CTDSPL2: variants seen among roughly 807,000 people sequenced by gnomAD.
CTDSPL2 encodes CTD small phosphatase like 2, also known as CTD small phosphatase-like protein 2.
CTDSPL2 carries 5 observed loss-of-function variants against 60.0 expected under a neutral mutation model. The observed-to-expected ratio is 0.08, with a 90% CI of 0.04 to 0.18. The LOEUF (loss-of-function observed/expected upper bound fraction) is 0.18. Among genes scored for constraint, CTDSPL2 ranks in the 10% least tolerant of loss-of-function variants. The pLI is 1.00. For synonymous variants in CTDSPL2, 186 were observed against 189.3 expected (o/e 0.98, Z 0.14); for missense variants, 370 against 548.8 (o/e 0.67, Z 3.26).
chr15:44,435,122 C>T (rs898865951), intron 1 of CTDSPL2, among the ~76,000 whole-genome samples: 2 of 151,702 alleles, frequency 1.3e-5, no homozygotes, highest in East Asian at 1.9e-4. Context: ...TAGCTGGGCG[C>T]GGTGGTGTGC....
chr15:44,455,739 G>A (rs369281724), intron 1 of CTDSPL2, among the ~76,000 whole-genome samples: 4 of 150,024 alleles, frequency 2.7e-5, no homozygotes, highest in Admixed American at 6.7e-5. Context: ...ATTTGCGTAT[G>A]TTGAACCAGC....
At chr15:44,499,370 A>G (rs977795960) in intron 7 of CTDSPL2, among the ~76,000 whole-genome samples, 1 of 152,150 alleles carries the variant, frequency 6.6e-6, no homozygotes, top group Non-Finnish European at 1.5e-5. Flanking sequence ...GCACCACTGC[A>G]CTCCAGCCTG....
chr15:44,478,911 G>A (rs570971662), intron 2 of CTDSPL2, among the ~76,000 whole-genome samples: 4 of 152,252 alleles, frequency 2.6e-5, no homozygotes, highest in South Asian at 2.1e-4. Flanking sequence ...CCCAGGAGGC[G>A]GAGCCACTGA....
At chr15:44,463,665 A>G (rs887940980) in intron 2 of CTDSPL2, among the ~76,000 whole-genome samples, 1 of 152,212 alleles carries the variant, frequency 6.6e-6, no homozygotes, top group African/African-American at 2.4e-5. Context: ...TTTGTCACAT[A>G]TTAGTCTTAA....
In CTDSPL2 at chr15:44,490,991, C is replaced by A. The variant is rs558812327; in HGVS notation, c.683C>A (p.Pro228His). 4.3e-6 allele frequency: 7 copies of A among 1,610,740 alleles called. No individual in the cohort carries two copies. The South Asian group carries it at 7.7e-5, about 18-fold the overall frequency. Residue 228 changes from proline to histidine, a missense_variant, in exon 5 of 13, where the codon CCC (proline) becomes CAC (histidine). Physicochemically the swap from Pro to His is moderately conservative, Grantham distance 77 (BLOSUM62 -2). Coordinates refer to ENST00000260327, the MANE Select transcript of CTDSPL2 (RefSeq NM_016396.3). ...GAAACAGTTAATCGTGATATCCCAC[C>A]CCTTACAGGTGAAGAAAATTTCTTT... Reference protein sequence around the residue: ...AEETVNRDIPPLTAPVTPDSG... With the variant: ...AEETVNRDIPHLTAPVTPDSG...
At chr15:44,515,742 G>A (rs1387361032) in intron 10 of CTDSPL2, among the ~76,000 whole-genome samples, 6 of 151,934 alleles carry the variant, frequency 3.9e-5, no homozygotes, top group South Asian at 2.1e-4. Flanking sequence ...GCGTGGTGGC[G>A]CATGCCTGTA....
At chr15:44,483,121 T>C (rs761557713) in intron 2 of CTDSPL2, among the ~76,000 whole-genome samples, 10 of 151,844 alleles carry the variant, frequency 6.6e-5, no homozygotes, top group Non-Finnish European at 1.3e-4. Context: ...TAGCGGGGCG[T>C]GGTGGTGCGT....
At chr15:44,459,819 G>A (rs2080526741) in intron 2 of CTDSPL2, among the ~76,000 whole-genome samples, 2 of 152,022 alleles carry the variant, frequency 1.3e-5, no homozygotes, top group Non-Finnish European at 2.9e-5. Flanking sequence ...AATATTCACT[G>A]TCTAGGGAGG....
intron 4 of CTDSPL2, among the ~76,000 whole-genome samples, chr15:44,487,322 G>A (rs879731140): frequency 6.6e-6 from 1 of 152,156 alleles, no homozygotes; most frequent in Non-Finnish European, 1.5e-5. Flanking sequence ...GGGCGTGGTA[G>A]TGCACGCCTG....
At chr15:44,511,692 A>T (rs1244063400) in intron 8 of CTDSPL2, among the ~76,000 whole-genome samples, 1 of 151,922 alleles carries the variant, frequency 6.6e-6, no homozygotes, top group Admixed American at 6.6e-5. Flanking sequence ...AACACGGTGA[A>T]AACCGTCTCT....
At chr15:44,489,336 T>C (rs2081179097) in intron 4 of CTDSPL2, among the ~76,000 whole-genome samples, 2 of 152,170 alleles carry the variant, frequency 1.3e-5, no homozygotes, top group African/African-American at 4.8e-5. Context: ...TCAAGGATAC[T>C]GAGGCTGCCA....
chr15:44,436,303 C>T (rs1410946843), intron 1 of CTDSPL2, among the ~76,000 whole-genome samples: 1 of 152,072 alleles, frequency 6.6e-6, no homozygotes, highest in East Asian at 1.9e-4. Flanking sequence ...GTCATCTAGT[C>T]CAATAACATT....
chr15:44,469,911 C>T (rs568066679), intron 2 of CTDSPL2, among the ~76,000 whole-genome samples: 1 of 152,104 alleles, frequency 6.6e-6, no homozygotes, highest in East Asian at 1.9e-4. Context: ...TCCTGGCTAA[C>T]ACAGTGAAAC....
At chr15:44,481,773 A>G (rs1289836377) in intron 2 of CTDSPL2, among the ~76,000 whole-genome samples, 2 of 152,098 alleles carry the variant, frequency 1.3e-5, no homozygotes, top group South Asian at 2.1e-4. Flanking sequence ...GAATTTCTCT[A>G]TGTTGGTCAG....
chr15:44,437,209 A>G (rs2079996479), intron 1 of CTDSPL2, among the ~76,000 whole-genome samples: 1 of 152,144 alleles, frequency 6.6e-6, no homozygotes, highest in Non-Finnish European at 1.5e-5. Flanking sequence ...AGATTTTCCT[A>G]GTAGGGATGC....
rs896971245 is a variant in CTDSPL2 at position 44,440,503 on chromosome 15, T to G, written c.-25+12731T>G. ...GAGCCACTGCGCCTGGTCCTGTTGGTAATACTCTGTAAATTCTCCTTAAAA... is the reference window on the plus strand; with the variant it reads ...GAGCCACTGCGCCTGGTCCTGTTGGGAATACTCTGTAAATTCTCCTTAAAA... On this transcript the variant is annotated intron_variant, in intron 1 of 12. Transcript: ENST00000260327. Among the ~76,000 whole-genome samples the G allele has an allele frequency of 2.0e-5, 3 of 152,124 alleles. No homozygotes were observed. The East Asian group carries it at 5.8e-4, about 29-fold the overall frequency.
At chr15:44,488,033 C>G (rs1489209145) in intron 4 of CTDSPL2, among the ~76,000 whole-genome samples, 1 of 151,480 alleles carries the variant, frequency 6.6e-6, no homozygotes, top group African/African-American at 2.4e-5. Flanking sequence ...TCACTTGAAC[C>G]CAGGAGGCGG....
intron 9 of CTDSPL2, 46 bp downstream of exon 9, chr15:44,514,706 A>G (rs747874424): frequency 3.9e-6 from 6 of 1,520,080 alleles, no homozygotes; most frequent in East Asian, 2.3e-5. Flanking sequence ...ATTTTATTCA[A>G]TATAGTACCC....
intron 2 of CTDSPL2, among the ~76,000 whole-genome samples, chr15:44,467,721 G>C (rs762276566): frequency 6.6e-6 from 1 of 151,992 alleles, no homozygotes; most frequent in Non-Finnish European, 1.5e-5. Flanking sequence ...TTACAGGCAC[G>C]TGACACCATG....
Sources: allele counts gnomAD v4.1 joint callset (sites outside exome capture counted in the v4.1 genomes callset), GRCh38; gene constraint gnomAD v4.1.1; transcripts MANE v1.5; gene names NCBI Gene and HGNC (gene_info 2026-07-23, HGNC 2026-07-21).